The following NKAIN3 variants were observed in gnomAD, a reference collection of about 807,000 sequenced individuals.
NKAIN3 encodes sodium/potassium transporting ATPase interacting 3.
Under a neutral mutation model 30.2 loss-of-function variants are expected in NKAIN3, and 25 were observed. That is an observed-to-expected ratio of 0.83 (90% CI 0.60 to 1.16). NKAIN3 has a LOEUF of 1.16. NKAIN3 is among the 50% of genes most tolerant of loss of function. The pLI, the probability that NKAIN3 is intolerant of heterozygous loss-of-function variation, is 0.00. For synonymous variants in NKAIN3, 91 were observed against 89.6 expected, an observed-to-expected ratio of 1.02 and a Z score of -0.09; for missense variants, 225 against 254.1, an observed-to-expected ratio of 0.89 and a Z score of 0.78.
intron 4 of NKAIN3, among the ~76,000 whole-genome samples, chr8:62,813,011 C>G (rs1252074111): frequency 1.3e-5 from 2 of 151,936 alleles, no homozygotes; most frequent in Non-Finnish European, 2.9e-5. Context: ...AGTACCTTTA[C>G]TAAGTGTTTT....
chr8:62,316,165 C>T (rs1814618800), intron 1 of NKAIN3, among the ~76,000 whole-genome samples: 1 of 152,132 alleles, frequency 6.6e-6, no homozygotes, highest in Non-Finnish European at 1.5e-5. Flanking sequence ...CCCTACAGAA[C>T]TGTGGGTCAA....
At chr8:62,568,724 A>G (rs1383575717) in intron 1 of NKAIN3, among the ~76,000 whole-genome samples, 2 of 152,176 alleles carry the variant, frequency 1.3e-5, no homozygotes, top group Admixed American at 1.3e-4. Context: ...CTGAGATCCC[A>G]TATTGTTTGC....
rs547235029 is a variant in NKAIN3 at position 62,981,270 on chromosome 8, C to T, written c.*15863C>T. The T allele has an allele frequency of 3.9e-5, 6 of 152,202 alleles. No homozygotes were observed. The East Asian group carries it at 1.2e-3, about 29-fold the overall frequency. The allele number at this position is 152,202 out of a possible 1,614,324, so 9.4% of individuals were successfully genotyped here. A position where few individuals can be genotyped will look rare whatever the true frequency, so the allele number is the denominator to read the frequency against. ...AAAATGGAGAGTTTTCATTAAAGGGCCCCTGCAAATCTATGATGCTAGATG... is the reference window on the plus strand; with the variant it reads ...AAAATGGAGAGTTTTCATTAAAGGGTCCCTGCAAATCTATGATGCTAGATG... On this transcript the variant is annotated 3_prime_UTR_variant, in exon 7 of 7. Coordinates refer to ENST00000623646, the MANE Select transcript of NKAIN3 (RefSeq NM_001304533.3).
intron 4 of NKAIN3, among the ~76,000 whole-genome samples, chr8:62,907,306 G>T (rs554943317): frequency 6.6e-6 from 1 of 152,242 alleles, no homozygotes; most frequent in South Asian, 2.1e-4. Flanking sequence ...TATTAATAAA[G>T]ATATGGTTTG....
At chr8:62,388,906 C>T (rs373322367) in intron 1 of NKAIN3, among the ~76,000 whole-genome samples, 3 of 152,252 alleles carry the variant, frequency 2.0e-5, no homozygotes, top group East Asian at 3.9e-4. Flanking sequence ...GCAATTGGGT[C>T]ATCAGCTTTA....
At chr8:62,786,421 A>T (rs192763615) in intron 4 of NKAIN3, among the ~76,000 whole-genome samples, 2 of 151,674 alleles carry the variant, frequency 1.3e-5, no homozygotes, top group African/African-American at 4.8e-5. Flanking sequence ...ACCCTGCCCC[A>T]CTCCTGTACT....
chr8:62,694,950 G>C (rs1017347734), intron 3 of NKAIN3, among the ~76,000 whole-genome samples: 1 of 152,076 alleles, frequency 6.6e-6, no homozygotes, highest in Non-Finnish European at 1.5e-5. Flanking sequence ...CTTCAAACTT[G>C]CTACATTTTA....
intron 1 of NKAIN3, among the ~76,000 whole-genome samples, chr8:62,537,183 G>T (rs931699013): frequency 1.3e-5 from 2 of 152,054 alleles, no homozygotes; most frequent in African/African-American, 4.8e-5. Flanking sequence ...GGAAGAATTC[G>T]CTATGTAATT....
intron 1 of NKAIN3, among the ~76,000 whole-genome samples, chr8:62,384,840 A>G (rs1817377579): frequency 6.6e-6 from 1 of 152,178 alleles, no homozygotes; most frequent in Admixed American, 6.6e-5. Flanking sequence ...CCTCAGGGGT[A>G]ATGAGTAGGA....
intron 3 of NKAIN3, among the ~76,000 whole-genome samples, chr8:62,723,916 C>A (rs1815175172): frequency 6.6e-6 from 1 of 152,080 alleles, no homozygotes; most frequent in Non-Finnish European, 1.5e-5. Flanking sequence ...TGCTTTCTAG[C>A]AAACTACAGA....
At chr8:62,896,403 C>A (rs1163879197) in intron 4 of NKAIN3, among the ~76,000 whole-genome samples, 3 of 152,108 alleles carry the variant, frequency 2.0e-5, no homozygotes, top group Admixed American at 2.0e-4. Context: ...CAGTTCATAA[C>A]ACTTGGCTAT....
intron 4 of NKAIN3, among the ~76,000 whole-genome samples, chr8:62,852,453 T>C (rs1429171366): frequency 6.6e-6 from 1 of 152,228 alleles, no homozygotes; most frequent in Non-Finnish European, 1.5e-5. Flanking sequence ...CTCTATTTCC[T>C]TCAGTTCTGC....
chr8:62,912,474 C>T (rs1359647384), intron 4 of NKAIN3, among the ~76,000 whole-genome samples: 1 of 152,142 alleles, frequency 6.6e-6, no homozygotes, highest in Non-Finnish European at 1.5e-5. Context: ...TTTAAAGAAC[C>T]TTTTGACTCT....
intron 3 of NKAIN3, among the ~76,000 whole-genome samples, chr8:62,640,887 G>A (rs946622180): frequency 7.2e-5 from 11 of 152,010 alleles, no homozygotes; most frequent in African/African-American, 2.4e-4. Context: ...TGAAAACTAG[G>A]GCCAGTTCTA....
At chr8:62,749,057 C>G (rs1372030675) in intron 4 of NKAIN3, among the ~76,000 whole-genome samples, 1 of 152,008 alleles carries the variant, frequency 6.6e-6, no homozygotes, top group Admixed American at 6.6e-5. Flanking sequence ...ATACTAGATA[C>G]TAACAGTTTT....
intron 4 of NKAIN3, among the ~76,000 whole-genome samples, chr8:62,885,727 T>C (rs957232801): frequency 6.6e-6 from 1 of 152,240 alleles, no homozygotes; most frequent in Non-Finnish European, 1.5e-5. Flanking sequence ...TTTGTGATTA[T>C]GTAATGTCGA....
At chr8:62,386,914 TGA>T (rs141443243) in intron 1 of NKAIN3, among the ~76,000 whole-genome samples, 9,708 of 147,852 alleles carry the variant, frequency 0.066, 977 homozygotes, top group African/African-American at 0.22. Flanking sequence ...AATTGATATA[TGA>T]GAGAGAGAGA....
intron 4 of NKAIN3, among the ~76,000 whole-genome samples, chr8:62,892,108 G>T (rs1343008848): frequency 1.3e-5 from 2 of 152,092 alleles, no homozygotes; most frequent in African/African-American, 4.8e-5. Context: ...ATTTTAGCAA[G>T]GATTAGATAT....
intron 1 of NKAIN3, among the ~76,000 whole-genome samples, chr8:62,285,988 A>G (rs995201346): frequency 3.3e-5 from 5 of 152,174 alleles, no homozygotes; most frequent in African/African-American, 1.2e-4. Context: ...AGTGGCTTAC[A>G]TATTTTTATG....
Sources: allele counts gnomAD v4.1 joint callset (sites outside exome capture counted in the v4.1 genomes callset), GRCh38; gene constraint gnomAD v4.1.1; transcripts MANE v1.5; gene names NCBI Gene and HGNC (gene_info 2026-07-23, HGNC 2026-07-21).